The following QTMAN variants were observed in gnomAD, a reference collection of about 807,000 sequenced individuals.
QTMAN encodes the protein tRNA-queuosine alpha-mannosyltransferase.
chr2:143,970,260 G>A, the QTMAN span, among the ~76,000 whole-genome samples: 1 of 152,120 alleles, frequency 6.6e-6, no homozygotes, highest in Non-Finnish European at 1.5e-5. Context: ...GCTTTACATA[G>A]GCCACCTAAC....
the QTMAN span, among the ~76,000 whole-genome samples, chr2:144,244,070 G>A: frequency 1.3e-5 from 2 of 152,190 alleles, no homozygotes; most frequent in African/African-American, 4.8e-5. Context: ...AAAGTTAACA[G>A]TCAAAGTAAT....
At chr2:144,190,359 T>TAA in the QTMAN span, among the ~76,000 whole-genome samples, 1 of 151,990 alleles carries the variant, frequency 6.6e-6, no homozygotes, top group South Asian at 2.1e-4. Context: ...AACCAGAAAA[T>TAA]AAAAAAATAT....
the QTMAN span, among the ~76,000 whole-genome samples, chr2:144,216,020 G>A: frequency 2.6e-5 from 4 of 152,034 alleles, no homozygotes; most frequent in Non-Finnish European, 2.9e-5. Flanking sequence ...AGCCACATTT[G>A]GCCTTCTCCC....
At chr2:144,273,661 T>TA in the QTMAN span, among the ~76,000 whole-genome samples, 4 of 152,176 alleles carry the variant, frequency 2.6e-5, no homozygotes, top group Non-Finnish European at 5.9e-5. Flanking sequence ...GTTGTGCCTC[T>TA]AAGTAAAACA....
At chr2:144,138,706 C>T in the QTMAN span, among the ~76,000 whole-genome samples, 5 of 151,932 alleles carry the variant, frequency 3.3e-5, no homozygotes, top group Admixed American at 6.6e-5. Context: ...CTGGTAGTAT[C>T]AATAAATTAA....
chr2:144,113,994 G>A, the QTMAN span, among the ~76,000 whole-genome samples: 1 of 152,152 alleles, frequency 6.6e-6, no homozygotes, highest in Non-Finnish European at 1.5e-5. Context: ...CTTGGGAGAG[G>A]GTTTCAGGCT....
chr2:144,307,606 T>C, the QTMAN span, among the ~76,000 whole-genome samples: 1 of 152,198 alleles, frequency 6.6e-6, no homozygotes, highest in Admixed American at 6.5e-5. Context: ...CCTGAGGAAT[T>C]CACACAAAAA....
At chr2:144,085,383 T>A in the QTMAN span, among the ~76,000 whole-genome samples, 4 of 152,168 alleles carry the variant, frequency 2.6e-5, no homozygotes, top group Non-Finnish European at 5.9e-5. Context: ...TAGACTGAAG[T>A]CACAACCAGG....
chr2:144,028,717 A>T, the QTMAN span, among the ~76,000 whole-genome samples: 2 of 152,178 alleles, frequency 1.3e-5, no homozygotes, highest in Non-Finnish European at 2.9e-5. Flanking sequence ...ATGTGGATAT[A>T]CTCTTTGAAA....
the QTMAN span, among the ~76,000 whole-genome samples, chr2:144,215,269 T>C: frequency 6.7e-6 from 1 of 148,728 alleles, no homozygotes; most frequent in Non-Finnish European, 1.5e-5. Flanking sequence ...AAAATATATA[T>C]ATATACACAC....
the QTMAN span, among the ~76,000 whole-genome samples, chr2:144,153,056 G>A: frequency 6.6e-6 from 1 of 152,094 alleles, no homozygotes; most frequent in Non-Finnish European, 1.5e-5. Context: ...GGGACTAAAA[G>A]GATCAGTGCT....
At chr2:144,227,535 A>G in the QTMAN span, among the ~76,000 whole-genome samples, 2 of 152,162 alleles carry the variant, frequency 1.3e-5, no homozygotes, top group African/African-American at 4.8e-5. Flanking sequence ...CTTAATATCC[A>G]TTCATTCATT....
At chr2:144,183,410 T>C in the QTMAN span, among the ~76,000 whole-genome samples, 1 of 152,152 alleles carries the variant, frequency 6.6e-6, no homozygotes, top group Non-Finnish European at 1.5e-5. Context: ...TAGCTATTCA[T>C]TGGCCCACTA....
the QTMAN span, among the ~76,000 whole-genome samples, chr2:143,991,795 C>T: frequency 1.3e-5 from 2 of 150,662 alleles, no homozygotes; most frequent in Non-Finnish European, 3.0e-5. Flanking sequence ...GGGGGTCAGC[C>T]CCCTGCCCGG....
At chr2:144,327,210 T>C in the QTMAN span, among the ~76,000 whole-genome samples, 1 of 152,084 alleles carries the variant, frequency 6.6e-6, no homozygotes, top group East Asian at 1.9e-4. Flanking sequence ...CACTCAGAGA[T>C]CACATGGAAG....
the QTMAN span, among the ~76,000 whole-genome samples, chr2:144,039,572 G>C: frequency 6.6e-6 from 1 of 152,166 alleles, no homozygotes; most frequent in African/African-American, 2.4e-5. Flanking sequence ...ATTTTGTTCA[G>C]TAATGGAAGA....
At chr2:144,089,163 A>T in the QTMAN span, among the ~76,000 whole-genome samples, 13 of 152,080 alleles carry the variant, frequency 8.5e-5, no homozygotes, top group Non-Finnish European at 1.5e-4. Context: ...ACATGAGTAG[A>T]CATTTCTCAA....
At chr2:144,049,411 G>A in the QTMAN span, among the ~76,000 whole-genome samples, 1 of 152,032 alleles carries the variant, frequency 6.6e-6, no homozygotes, top group Non-Finnish European at 1.5e-5. Context: ...ACTGATACGA[G>A]TTGTGGAAAC....
the QTMAN span, among the ~76,000 whole-genome samples, chr2:144,072,247 A>C: frequency 2.0e-5 from 3 of 152,146 alleles, no homozygotes; most frequent in Non-Finnish European, 4.4e-5. Context: ...AAAAAGCAGA[A>C]AAGAGGTGTA....
Sources: allele counts gnomAD v4.1 joint callset (sites outside exome capture counted in the v4.1 genomes callset), GRCh38; gene constraint gnomAD v4.1.1; transcripts MANE v1.5; gene names NCBI Gene and HGNC (gene_info 2026-07-23, HGNC 2026-07-21).